ADGRL3: variants seen among roughly 807,000 people sequenced by gnomAD.
ADGRL3 encodes adhesion G protein-coupled receptor L3.
Under a neutral mutation model 153.5 loss-of-function variants are expected in ADGRL3, and 62 were observed. That is an observed-to-expected ratio of 0.40 (90% CI 0.33 to 0.50). The LOEUF (loss-of-function observed/expected upper bound fraction) is 0.50, where lower values mean the gene tolerates loss of function less well. Among genes scored for constraint, ADGRL3 ranks in the 20% least tolerant of loss-of-function variants. ADGRL3 has a pLI of 0.47. For synonymous variants in ADGRL3, 710 were observed against 672.5 expected (o/e 1.06, Z -0.86); for missense variants, 1,641 against 1,859.4 (o/e 0.88, Z 2.16).
Position 61,641,102 on chromosome 4 carries a change from A to G in ADGRL3, c.474-35724A>G, listed in dbSNP as rs1016728230. On this transcript the variant is annotated intron_variant, in intron 5 of 26. Coordinates refer to ENST00000683033, the MANE Select transcript of ADGRL3 (RefSeq NM_001387552.1). The stretch of plus-strand genomic sequence containing the variant: ...AGTCAGATAAATTTGGCTTCAAATA[A>G]AGTTCCTGCTAACCTTATTTCACCT... Among the ~76,000 whole-genome samples, 10 of 152,244 alleles carry G rather than the reference A, an allele frequency of 6.6e-5. No individual in the cohort carries two copies. In the South Asian group the frequency reaches 1.7e-3, roughly 25 times the overall value.
intron 6 of ADGRL3, among the ~76,000 whole-genome samples, chr4:61,690,928 T>C (rs2151124608): frequency 6.6e-6 from 1 of 152,314 alleles, no homozygotes; most frequent in Admixed American, 6.5e-5. Flanking sequence ...GAAAAAGCTC[T>C]AAGAATTTCT....
At chr4:61,607,533 G>A (rs541482709) in intron 5 of ADGRL3, among the ~76,000 whole-genome samples, 23 of 152,216 alleles carry the variant, frequency 1.5e-4, no homozygotes, top group Non-Finnish European at 1.9e-4. Flanking sequence ...CCAGGAGGCG[G>A]AGGTTGCAGT....
chr4:61,768,363 GTAGAAAAGGAAGAT>G (rs370087956), intron 8 of ADGRL3, among the ~76,000 whole-genome samples: 1,736 of 152,034 alleles, frequency 0.011, 36 homozygotes, highest in African/African-American at 0.039. Flanking sequence ...AGATGGGTCT[GTAGAAAAGGAAGAT>G]TAGAAAGACT....
At chr4:61,893,487 A>T (rs1041251533) in intron 10 of ADGRL3, among the ~76,000 whole-genome samples, 3 of 152,110 alleles carry the variant, frequency 2.0e-5, no homozygotes, top group Non-Finnish European at 4.4e-5. Flanking sequence ...GAGGACTTCT[A>T]TATTAGAAGA....
At chr4:61,891,459 C>A (rs1052643544) in intron 9 of ADGRL3, among the ~76,000 whole-genome samples, 5 of 152,106 alleles carry the variant, frequency 3.3e-5, no homozygotes, top group African/African-American at 1.2e-4. Flanking sequence ...TAGACAGCAT[C>A]ACTTCAAAAA....
chr4:61,700,782 T>A (rs1251745162), intron 6 of ADGRL3, among the ~76,000 whole-genome samples: 1 of 152,156 alleles, frequency 6.6e-6, no homozygotes, highest in Admixed American at 6.5e-5. Flanking sequence ...CTTAAACATA[T>A]TAAGATTGAG....
intron 2 of ADGRL3, among the ~76,000 whole-genome samples, chr4:61,483,643 A>G (rs1034533880): frequency 2.6e-5 from 4 of 152,090 alleles, no homozygotes; most frequent in African/African-American, 9.7e-5. Context: ...AGGCTGAGGC[A>G]GGATAATTGC....
Position 61,401,075 on chromosome 4 carries a change from T to A in ADGRL3, c.-174+17886T>A, listed in dbSNP as rs535800274. 4.0e-4 allele frequency among the ~76,000 whole-genome samples: 61 copies of A among 151,740 alleles called. 1 individual carries two copies. Among genetic ancestry groups the A allele is most frequent in the African/African-American group, 1.1e-3 (44 of 41,442 alleles). ...TGTGGAAGGAAGATTCTTTTTTTTTTTAAAAAAAAGATTTTTTGAAAATGC... is the reference window on the plus strand; with the variant it reads ...TGTGGAAGGAAGATTCTTTTTTTTTATAAAAAAAAGATTTTTTGAAAATGC... On this transcript the variant is annotated intron_variant, in intron 2 of 26. Coordinates refer to ENST00000683033, the MANE Select transcript of ADGRL3 (RefSeq NM_001387552.1).
intron 1 of ADGRL3, among the ~76,000 whole-genome samples, chr4:61,271,824 G>T (rs2093198602): frequency 6.6e-6 from 1 of 151,918 alleles, no homozygotes; most frequent in African/African-American, 2.4e-5. Context: ...TAGTAAAAGG[G>T]TTTCCCTTTC....
intron 9 of ADGRL3, among the ~76,000 whole-genome samples, chr4:61,861,157 A>G (rs970610645): frequency 1.3e-5 from 2 of 152,218 alleles, no homozygotes; most frequent in African/African-American, 4.8e-5. Context: ...AGGACCAGGG[A>G]AAGCTGAGAG....
At chr4:61,263,659 C>T (rs972867492) in intron 1 of ADGRL3, among the ~76,000 whole-genome samples, 4 of 151,966 alleles carry the variant, frequency 2.6e-5, no homozygotes, top group African/African-American at 9.7e-5. Flanking sequence ...ACATTCAATG[C>T]AGTATGATTA....
At chr4:61,486,104 T>C (rs1395676675) in intron 2 of ADGRL3, among the ~76,000 whole-genome samples, 2 of 152,112 alleles carry the variant, frequency 1.3e-5, no homozygotes, top group South Asian at 2.1e-4. Flanking sequence ...CCACCATGCC[T>C]GGCTAATTTT....
chr4:61,970,191 AAAAT>A (rs1437454293), intron 17 of ADGRL3, among the ~76,000 whole-genome samples: 1 of 152,176 alleles, frequency 6.6e-6, no homozygotes, highest in Non-Finnish European at 1.5e-5. Flanking sequence ...GTACCTTAAG[AAAAT>A]AAATAAGCTC....
chr4:61,654,948 C>T (rs772584053), intron 5 of ADGRL3, among the ~76,000 whole-genome samples: 10 of 151,938 alleles, frequency 6.6e-5, no homozygotes, highest in Non-Finnish European at 1.3e-4. Flanking sequence ...AACTCATGTA[C>T]GTAAGTCTAT....
At position 61,733,086 on chromosome 4, in the gene ADGRL3, A is replaced by G. The variant is rs760416680; in HGVS notation, c.931A>G (p.Ile311Val). 4 of 1,613,540 alleles carry G rather than the reference A, an allele frequency of 2.5e-6. No homozygotes were observed. The African/African-American group carries it at 5.3e-5, about 22-fold the overall frequency. Residue 311 changes from isoleucine (I) to valine (V), a missense_variant, in exon 8 of 27, where the codon ATC (isoleucine) becomes GTC (valine). Transcript: ENST00000683033. ...GACTAGGATAAAGAGTGGAGAGGCT[A>G]TCATAGCAAATGCCAATTACCATGA... ...LRTRIKSGEA[I>V]IANANYHDTS... is the part of the protein sequence containing the mutation.
intron 1 of ADGRL3, among the ~76,000 whole-genome samples, chr4:61,357,829 T>G (rs1005551889): frequency 5.3e-5 from 8 of 152,054 alleles, no homozygotes; most frequent in Non-Finnish European, 1.2e-4. Flanking sequence ...AATGGAACAC[T>G]TCTATGAAAA....
At chr4:61,653,021 G>C (rs1454810221) in intron 5 of ADGRL3, among the ~76,000 whole-genome samples, 2 of 151,702 alleles carry the variant, frequency 1.3e-5, no homozygotes, top group Non-Finnish European at 1.5e-5. Context: ...TAACTGTTTT[G>C]GATGAAATGA....
intron 17 of ADGRL3, among the ~76,000 whole-genome samples, chr4:61,953,297 A>G (rs1019260747): frequency 6.6e-6 from 1 of 152,228 alleles, no homozygotes; most frequent in Non-Finnish European, 1.5e-5. Context: ...GAATTTAGAA[A>G]GAGTGCAAGA....
At chr4:61,471,207 T>C (rs1415379125) in intron 2 of ADGRL3, among the ~76,000 whole-genome samples, 1 of 151,858 alleles carries the variant, frequency 6.6e-6, no homozygotes, top group African/African-American at 2.4e-5. Context: ...CTTTTTAGCA[T>C]GTGAATATTC....
Sources: gnomAD v4.1 joint callset for allele counts (sites outside exome capture counted in the v4.1 genomes callset) on GRCh38, gnomAD v4.1.1 for gene constraint, MANE v1.5 for transcripts, NCBI Gene and HGNC (gene_info 2026-07-23, HGNC 2026-07-21) for gene names.